ZFPM2: variants seen among roughly 807,000 people sequenced by gnomAD.
The protein encoded by ZFPM2 is zinc finger protein, FOG family member 2.
Under a neutral mutation model 98.6 loss-of-function variants are expected in ZFPM2, and 20 were observed. The ratio of observed to expected loss-of-function variants is 0.20; its 90% CI spans 0.14 to 0.29. ZFPM2 has a LOEUF of 0.29. ZFPM2 is among the 10% of genes least tolerant of loss of function. The pLI is 1.00. For missense variants in ZFPM2, 1,310 were observed against 1,388.6 expected, an observed-to-expected ratio of 0.94 and a Z score of 0.90; for synonymous variants, 518 against 502.7, an observed-to-expected ratio of 1.03 and a Z score of -0.41.
At chr8:105,750,324 G>T (rs570052528) in intron 5 of ZFPM2, among the ~76,000 whole-genome samples, 2 of 151,986 alleles carry the variant, frequency 1.3e-5, no homozygotes, top group African/African-American at 4.8e-5. Flanking sequence ...GCCTCCAAGG[G>T]TGTGGTCTTA....
intron 5 of ZFPM2, among the ~76,000 whole-genome samples, chr8:105,757,097 C>T (rs1812618538): frequency 6.6e-6 from 1 of 152,152 alleles, no homozygotes; most frequent in Non-Finnish European, 1.5e-5. Context: ...TTTCATGCAA[C>T]ATAATAAAAT....
intron 3 of ZFPM2, among the ~76,000 whole-genome samples, chr8:105,463,671 C>A (rs973895218): frequency 6.6e-6 from 1 of 151,992 alleles, no homozygotes; most frequent in Non-Finnish European, 1.5e-5. Context: ...TGAAAAGTGT[C>A]TTATTCATCC....
intron 3 of ZFPM2, among the ~76,000 whole-genome samples, chr8:105,544,278 T>C (rs1238653658): frequency 1.3e-5 from 2 of 152,188 alleles, no homozygotes; most frequent in African/African-American, 4.8e-5. Flanking sequence ...CTTTATTTCA[T>C]ACAGTAGAAT....
chr8:105,393,343 T>TTTCTTTCTTTCC (rs1811151687), intron 1 of ZFPM2, among the ~76,000 whole-genome samples: 1 of 72,904 alleles, frequency 1.4e-5, no homozygotes, highest in Admixed American at 1.7e-4. Flanking sequence ...TTTGCCTTTC[T>TTTCTTTCTTTCC]TTCTTTCTTT....
rs1377259264 is a variant in ZFPM2, at chr8:105,561,343, T to G, written c.302-20T>G. ...AAGTACAAGTAAGTATTCTAAACAC[T>G]TCTGTTCCTTTGTCTGCAGGAGAGC... is the stretch of plus-strand genomic sequence containing the variant. On this transcript the variant is annotated intron_variant, in intron 3 of 7. Coordinates refer to ENST00000407775, the MANE Select transcript of ZFPM2 (RefSeq NM_012082.4). 1 of 1,598,178 alleles carries G rather than the reference T, an allele frequency of 6.3e-7. No individual in the cohort carries two copies. Among genetic ancestry groups the G allele is most frequent in the Non-Finnish European group, 8.6e-7 (1 of 1,166,322 alleles).
chr8:105,687,556 A>G (rs566352728), intron 5 of ZFPM2, among the ~76,000 whole-genome samples: 35 of 152,328 alleles, frequency 2.3e-4, no homozygotes, highest in African/African-American at 8.2e-4. Context: ...CCAGAACAAC[A>G]CATATATAAA....
At chr8:105,467,519 A>T (rs113120668) in intron 3 of ZFPM2, among the ~76,000 whole-genome samples, 3,826 of 152,142 alleles carry the variant, frequency 0.025, 153 homozygotes, top group African/African-American at 0.087. Context: ...ATAAAGCAGG[A>T]ATTCTGCTAG....
chr8:105,758,632 A>C (rs1371007063), intron 5 of ZFPM2, among the ~76,000 whole-genome samples: 3 of 152,030 alleles, frequency 2.0e-5, no homozygotes, highest in Admixed American at 6.6e-5. Flanking sequence ...CTTCATTTTT[A>C]GGAGTCTTAT....
chr8:105,739,995 A>G (rs1330563389), intron 5 of ZFPM2, among the ~76,000 whole-genome samples: 2 of 152,008 alleles, frequency 1.3e-5, no homozygotes, highest in Non-Finnish European at 2.9e-5. Context: ...AAATTACTTA[A>G]AAATGCTCCT....
rs550015348 is a variant in ZFPM2, at chr8:105,661,945, C to T, written c.532+27588C>T. On this transcript the variant is annotated intron_variant, in intron 5 of 7. Coordinates refer to ENST00000407775, the MANE Select transcript of ZFPM2 (RefSeq NM_012082.4). ...TTTTTAATCTTCCACTCCGGAGAGG[C>T]TTGTTGACAGAGAGGTTCTTTCTCT... is the stretch of plus-strand genomic sequence containing the variant. 1.9e-4 allele frequency among the ~76,000 whole-genome samples: 29 copies of T among 151,620 alleles called. No individual in the cohort carries two copies. In the South Asian group the frequency reaches 5.8e-3, roughly 31 times the overall value.
intron 4 of ZFPM2, among the ~76,000 whole-genome samples, chr8:105,590,781 C>CACACAT (rs1815825965): frequency 6.6e-6 from 1 of 152,194 alleles, no homozygotes; most frequent in South Asian, 2.1e-4. Flanking sequence ...CACACACACA[C>CACACAT]ACACAGAGTC....
chr8:105,556,238 C>A (rs2130681707), intron 3 of ZFPM2, among the ~76,000 whole-genome samples: 1 of 151,870 alleles, frequency 6.6e-6, no homozygotes, highest in East Asian at 1.9e-4. Context: ...AATCCAACAG[C>A]CAATGGAAAA....
At chr8:105,686,354 C>A (rs1021770356) in intron 5 of ZFPM2, among the ~76,000 whole-genome samples, 1 of 151,904 alleles carries the variant, frequency 6.6e-6, no homozygotes, top group African/African-American at 2.4e-5. Flanking sequence ...TTTCCATTTT[C>A]TCTGAGACTA....
At chr8:105,423,033 C>T (rs1363177807) in intron 2 of ZFPM2, among the ~76,000 whole-genome samples, 5 of 147,204 alleles carry the variant, frequency 3.4e-5, no homozygotes. Context: ...CTGATATTAT[C>T]TATGTTCTTG....
At chr8:105,393,209 C>T (rs887351938) in intron 1 of ZFPM2, among the ~76,000 whole-genome samples, 3 of 152,056 alleles carry the variant, frequency 2.0e-5, no homozygotes, top group African/African-American at 4.8e-5. Context: ...TAAACCATGC[C>T]GTTGGAAGTG....
Position 105,637,819 on chromosome 8 carries a change from T to C in ZFPM2, c.532+3462T>C, listed in dbSNP as rs142932986. 2.2e-3 allele frequency among the ~76,000 whole-genome samples: 334 copies of C among 152,214 alleles called. 2 individuals carry two copies. The highest frequency in any genetic ancestry group is 3.7e-3 in the Non-Finnish European group (251 of 67,996). On this transcript the variant is annotated intron_variant, in intron 5 of 7. Transcript: ENST00000407775. ...CCTCAAAGCAAAAGCGTTTTGAAGA[T>C]GGAAGGGTTAACAAGTGTTAACTTG...
chr8:105,370,424 C>T (rs1229301159), intron 1 of ZFPM2, among the ~76,000 whole-genome samples: 1 of 152,106 alleles, frequency 6.6e-6, no homozygotes, highest in Non-Finnish European at 1.5e-5. Flanking sequence ...AGTTAATCAT[C>T]CTTTAGAGAC....
At chr8:105,362,268 A>T (rs1554597924) in intron 1 of ZFPM2, among the ~76,000 whole-genome samples, 5 of 151,790 alleles carry the variant, frequency 3.3e-5, no homozygotes, top group Admixed American at 1.3e-4. Context: ...GCCCTGCCAA[A>T]TTTTTTTTCA....
chr8:105,377,716 G>A (rs1189998534), intron 1 of ZFPM2, among the ~76,000 whole-genome samples: 10 of 151,284 alleles, frequency 6.6e-5, no homozygotes, highest in African/African-American at 2.4e-4. Context: ...GAAGGTGGAG[G>A]TTGCAGTGAG....
Sources: allele counts gnomAD v4.1 joint callset (sites outside exome capture counted in the v4.1 genomes callset), GRCh38; gene constraint gnomAD v4.1.1; transcripts MANE v1.5; gene names NCBI Gene and HGNC (gene_info 2026-07-23, HGNC 2026-07-21).